The following OR51B5 variants were observed in gnomAD, a reference collection of about 807,000 sequenced individuals.
The protein encoded by OR51B5 is olfactory receptor family 51 subfamily B member 5, also known as olfactory receptor 51B5.
For missense variants in OR51B5, 456 were observed against 374.6 expected, an observed-to-expected ratio of 1.22 and a Z score of -1.79; for synonymous variants, 186 against 144.8, an observed-to-expected ratio of 1.28 and a Z score of -2.04.
intron 1 of OR51B5, among the ~76,000 whole-genome samples, chr11:5,496,648 A>G (rs1172865521): frequency 6.6e-6 from 1 of 152,196 alleles, no homozygotes; most frequent in African/African-American, 2.4e-5. Flanking sequence ...TGAATTGGCC[A>G]TGTGACTTGG....
chr11:5,420,113 A>T (rs573962745), intron 1 of OR51B5, among the ~76,000 whole-genome samples: 1 of 152,084 alleles, frequency 6.6e-6, no homozygotes, highest in East Asian at 1.9e-4. Flanking sequence ...TTTTGTTATT[A>T]CATAAAAGTC....
rs549268902 is a variant in OR51B5, at chr11:5,403,973, A to T, written n.85-57063T>A. 9.2e-5 allele frequency among the ~76,000 whole-genome samples: 14 copies of T among 152,204 alleles called. No individual in the cohort carries two copies. The South Asian group carries it at 2.1e-3, about 23-fold the overall frequency. On this transcript the variant is annotated intron_variant and non_coding_transcript_variant, in intron 1 of 4. Transcript: ENST00000415970. ...TCTCTGAATTCAATAGGAGAGAAAC[A>T]TACCAGCTAGTTCAAAGGAGGCTTC...
chr11:5,405,011 C>G (rs903624070), intron 1 of OR51B5, among the ~76,000 whole-genome samples: 3 of 152,250 alleles, frequency 2.0e-5, no homozygotes, highest in South Asian at 4.2e-4. Flanking sequence ...TTCACCAAGA[C>G]CAAGAACCCA....
At chr11:5,422,953 G>T in intron 1 of OR51B5, 1 of 1,614,068 alleles carries the variant, frequency 6.2e-7, no homozygotes, top group Non-Finnish European at 8.5e-7. Context: ...TAGCTGTCCT[G>T]GTCCTCTACA....
At chr11:5,379,028 T>C (rs185603013) in intron 1 of OR51B5, among the ~76,000 whole-genome samples, 37,339 of 146,376 alleles carry the variant, frequency 0.26, 4,721 homozygotes, top group African/African-American at 0.31. Context: ...TTTATTGCGG[T>C]ACTATTCACA....
chr11:5,492,584 C>A (rs934280810), intron 1 of OR51B5, among the ~76,000 whole-genome samples: 1 of 152,122 alleles, frequency 6.6e-6, no homozygotes, highest in Non-Finnish European at 1.5e-5. Flanking sequence ...TTCACCTGTT[C>A]CAAGGGAATT....
intron 1 of OR51B5, chr11:5,454,954 A>G (rs1850928491): frequency 1.3e-5 from 2 of 152,578 alleles, no homozygotes; most frequent in African/African-American, 2.4e-5. Context: ...TCAAATTGGC[A>G]TCATTTAACA....
intron 1 of OR51B5, among the ~76,000 whole-genome samples, chr11:5,420,219 T>G (rs1402734551): frequency 6.6e-6 from 1 of 152,018 alleles, no homozygotes; most frequent in Non-Finnish European, 1.5e-5. Context: ...TATGATCGAA[T>G]CATTTTCCAG....
intron 1 of OR51B5, among the ~76,000 whole-genome samples, chr11:5,397,686 C>T (rs1849899368): frequency 6.6e-6 from 1 of 151,298 alleles, no homozygotes; most frequent in African/African-American, 2.4e-5. Context: ...TTTGACCCAG[C>T]CATCCCATTA....
At chr11:5,494,915 A>G (rs1851626974) in intron 1 of OR51B5, among the ~76,000 whole-genome samples, 1 of 152,228 alleles carries the variant, frequency 6.6e-6, no homozygotes, top group Non-Finnish European at 1.5e-5. Flanking sequence ...CCAAAGGTTC[A>G]GGGACATTTT....
At chr11:5,447,670 C>T (rs770507017) in intron 1 of OR51B5, among the ~76,000 whole-genome samples, 2 of 151,898 alleles carry the variant, frequency 1.3e-5, no homozygotes, top group Non-Finnish European at 2.9e-5. Flanking sequence ...CCAACCAGCT[C>T]CCAAGATCTA....
At chr11:5,369,732 C>G (rs913164446) in intron 1 of OR51B5, among the ~76,000 whole-genome samples, 2 of 152,126 alleles carry the variant, frequency 1.3e-5, no homozygotes, top group Non-Finnish European at 2.9e-5. Context: ...TGAACATACT[C>G]AAATAAATAG....
intron 1 of OR51B5, among the ~76,000 whole-genome samples, chr11:5,430,092 A>G (rs955614099): frequency 6.6e-6 from 1 of 152,212 alleles, no homozygotes; most frequent in African/African-American, 2.4e-5. Context: ...TGTTTGATCA[A>G]GAACATTTTT....
At chr11:5,363,209 A>G (rs1849311286) in intron 1 of OR51B5, among the ~76,000 whole-genome samples, 3 of 151,008 alleles carry the variant, frequency 2.0e-5, no homozygotes, top group African/African-American at 7.3e-5. Flanking sequence ...CAGGATCTCA[A>G]GTGTTTCCCC....
chr11:5,366,315 G>T (rs1849366773), intron 1 of OR51B5, among the ~76,000 whole-genome samples: 2 of 152,120 alleles, frequency 1.3e-5, no homozygotes, highest in South Asian at 4.1e-4. Flanking sequence ...TGGGTAGCCT[G>T]TTAAAGAAAA....
At chr11:5,452,131 G>A (rs1850862231) in intron 1 of OR51B5, among the ~76,000 whole-genome samples, 1 of 152,300 alleles carries the variant, frequency 6.6e-6, no homozygotes, top group African/African-American at 2.4e-5. Context: ...GTCTATGAGT[G>A]TGTATACATG....
At chr11:5,444,720 C>A (rs1416429990) in intron 1 of OR51B5, among the ~76,000 whole-genome samples, 1 of 152,046 alleles carries the variant, frequency 6.6e-6, no homozygotes, top group Non-Finnish European at 1.5e-5. Context: ...CTCCAGAACA[C>A]CAAGTCTTGC....
chr11:5,443,724 A>C (rs537857072), intron 1 of OR51B5, among the ~76,000 whole-genome samples: 1 of 152,074 alleles, frequency 6.6e-6, no homozygotes, highest in African/African-American at 2.4e-5. Flanking sequence ...CCATGGAGAA[A>C]ATTCCCCACC....
intron 1 of OR51B5, among the ~76,000 whole-genome samples, chr11:5,363,854 C>T (rs1423604116): frequency 6.6e-6 from 1 of 152,110 alleles, no homozygotes; most frequent in Non-Finnish European, 1.5e-5. Flanking sequence ...CAATTATGTT[C>T]CCTAGCTGTC....
Sources: allele counts gnomAD v4.1 joint callset (sites outside exome capture counted in the v4.1 genomes callset), GRCh38; gene constraint gnomAD v4.1.1; transcripts MANE v1.5; gene names NCBI Gene and HGNC (gene_info 2026-07-23, HGNC 2026-07-21).